Variants in H2AZ2 observed in about 807,000 individuals in gnomAD.
The protein encoded by H2AZ2 is histone H2A.V.
Under a neutral mutation model 15.5 loss-of-function variants are expected in H2AZ2, and 5 were observed. The ratio of observed to expected loss-of-function variants is 0.32; its 90% confidence interval spans 0.17 to 0.68. The LOEUF (loss-of-function observed/expected upper bound fraction) is 0.68, where lower values mean the gene tolerates loss of function less well. Ranked by LOEUF, H2AZ2 falls within the 30% of genes least tolerant of loss-of-function variation. The pLI is 0.72. For synonymous variants in H2AZ2, 44 were observed against 57.4 expected, an observed-to-expected ratio of 0.77 and a Z score of 1.05; for missense variants, 42 against 162.5, an observed-to-expected ratio of 0.26 and a Z score of 4.03.
At chr7:44,836,255 G>A (rs920052223) in intron 3 of H2AZ2, among the ~76,000 whole-genome samples, 2 of 152,002 alleles carry the variant, frequency 1.3e-5, no homozygotes, top group South Asian at 4.1e-4. Flanking sequence ...GAGCCACCAC[G>A]CCCAGTCAAA....
chr7:44,836,840 C>G (rs1181390771), intron 3 of H2AZ2, among the ~76,000 whole-genome samples: 2 of 149,962 alleles, frequency 1.3e-5, no homozygotes, highest in Non-Finnish European at 1.5e-5. Context: ...ACTAAAAATA[C>G]AAAAAATTAG....
chr7:44,830,044 G>A (rs1792979261), downstream of H2AZ2: 19 of 1,095,198 alleles, frequency 1.7e-5, no homozygotes, highest in East Asian at 2.4e-5. Context: ...CAGCACATTC[G>A]GGCAGTTCCT....
intron 1 of H2AZ2, among the ~76,000 whole-genome samples, chr7:44,844,787 C>G (rs548565118): frequency 7.9e-5 from 12 of 152,206 alleles, no homozygotes; most frequent in African/African-American, 2.9e-4. Context: ...CCTATTTCTG[C>G]ATGAAAAAGG....
intron 3 of H2AZ2, among the ~76,000 whole-genome samples, chr7:44,839,598 C>T (rs1217695459): frequency 6.6e-6 from 1 of 151,104 alleles, no homozygotes; most frequent in South Asian, 2.1e-4. Flanking sequence ...GGGAGAATGG[C>T]GTGAATCCGG....
At chr7:44,838,129 C>A (rs1461642287) in intron 3 of H2AZ2, among the ~76,000 whole-genome samples, 5 of 152,062 alleles carry the variant, frequency 3.3e-5, no homozygotes, top group Admixed American at 3.3e-4. Context: ...CACACGCCAC[C>A]ATGCCCAGCT....
At chr7:44,839,559 G>A (rs1487356461) in intron 3 of H2AZ2, among the ~76,000 whole-genome samples, 6 of 151,978 alleles carry the variant, frequency 3.9e-5, no homozygotes, top group Non-Finnish European at 7.4e-5. Flanking sequence ...GCGGGTGCCT[G>A]TAGTCCCAGC....
At chr7:44,839,823 T>C (rs1164496355) in intron 3 of H2AZ2, among the ~76,000 whole-genome samples, 1 of 150,608 alleles carries the variant, frequency 6.6e-6, no homozygotes, top group Non-Finnish European at 1.5e-5. Context: ...GCCAACATGG[T>C]GAAACCCAGT....
At chr7:44,835,107 CTT>C (rs1189211207) in intron 4 of H2AZ2, 1 of 178,336 alleles carries the variant, frequency 5.6e-6, no homozygotes, top group Non-Finnish European at 1.2e-5. Flanking sequence ...TCACGAGGTT[CTT>C]TGAGGGTTAT....
At position 44,848,067 on chromosome 7, in the gene H2AZ2, C is replaced by G; in HGVS notation, c.-96G>C. 2.7e-6 allele frequency: 2 copies of G among 733,190 alleles called. No individual in the cohort carries two copies. The highest frequency in any genetic ancestry group is 3.7e-6 in the Non-Finnish European group (2 of 537,138). The allele number at this position is 733,190 out of a possible 1,614,324, so 45.4% of individuals were successfully genotyped here. A position where few individuals can be genotyped will look rare whatever the true frequency, so the allele number is the denominator to read the frequency against. Reference sequence around the variant, plus strand: ...CTCTCGCAGCACCGACCGCCGCCGCCGGAGCCGGACAATACCCCGTGCCCG... The same window carrying G: ...CTCTCGCAGCACCGACCGCCGCCGCGGGAGCCGGACAATACCCCGTGCCCG... On this transcript the variant is annotated 5_prime_UTR_variant, in exon 1 of 5. Transcript: ENST00000308153.
At chr7:44,844,200 G>A (rs1274213167) in intron 1 of H2AZ2, among the ~76,000 whole-genome samples, 7 of 152,128 alleles carry the variant, frequency 4.6e-5, no homozygotes, top group African/African-American at 1.2e-4. Context: ...CCAAAAGGTA[G>A]AAACAATCTT....
At chr7:44,838,343 A>G (rs1793183254) in intron 3 of H2AZ2, among the ~76,000 whole-genome samples, 1 of 152,014 alleles carries the variant, frequency 6.6e-6, no homozygotes, top group Admixed American at 6.5e-5. Flanking sequence ...AAAATTTTTA[A>G]AAATAAAAGA....
At chr7:44,847,669 C>T (rs1793446007) in intron 1 of H2AZ2, among the ~76,000 whole-genome samples, 1 of 152,202 alleles carries the variant, frequency 6.6e-6, no homozygotes, top group South Asian at 2.1e-4. Flanking sequence ...ATTTCCAAGC[C>T]GGATTCTGCC....
downstream of H2AZ2, chr7:44,830,095 C>T: frequency 1.2e-6 from 2 of 1,601,720 alleles, no homozygotes; most frequent in Non-Finnish European, 1.7e-6. Flanking sequence ...TCTTGTTCCA[C>T]TAAATCAGCA....
intron 3 of H2AZ2, among the ~76,000 whole-genome samples, chr7:44,836,945 G>A (rs1264836742): frequency 2.6e-5 from 4 of 151,828 alleles, no homozygotes; most frequent in Non-Finnish European, 5.9e-5. Context: ...GCAGTGAGCC[G>A]AGATGGCGCC....
At chr7:44,839,576 G>A (rs1793221560) in intron 3 of H2AZ2, among the ~76,000 whole-genome samples, 1 of 151,938 alleles carries the variant, frequency 6.6e-6, no homozygotes, top group Admixed American at 6.6e-5. Flanking sequence ...CAGCTACTCG[G>A]GAGGCTGAGG....
chr7:44,840,313 A>G (rs933206549), intron 3 of H2AZ2, among the ~76,000 whole-genome samples: 3 of 152,170 alleles, frequency 2.0e-5, no homozygotes, highest in Non-Finnish European at 4.4e-5. Context: ...GAACTCCAGG[A>G]CTCAAGTGTA....
At chr7:44,844,126 T>C (rs961469770) in intron 1 of H2AZ2, among the ~76,000 whole-genome samples, 2 of 151,106 alleles carry the variant, frequency 1.3e-5, no homozygotes, top group African/African-American at 2.4e-5. Context: ...CACCTAAAAA[T>C]TGAAAGCAAG....
chr7:44,839,461 G>C (rs1054319220), intron 3 of H2AZ2, among the ~76,000 whole-genome samples: 2 of 151,936 alleles, frequency 1.3e-5, no homozygotes, highest in Non-Finnish European at 2.9e-5. Context: ...TGGCTCACGA[G>C]GTCAGGAGAT....
In H2AZ2 at chr7:44,834,228, T is replaced by C; in HGVS notation, c.*273A>G. 2.5e-6 allele frequency: 3 copies of C among 1,203,056 alleles called. No individual in the cohort carries two copies. The South Asian group carries it at 1.0e-4, about 40-fold the overall frequency. 74.5% of individuals were successfully genotyped at this position (1,203,056 alleles called of 1,614,324 possible). A position where few individuals can be genotyped will look rare whatever the true frequency, so the allele number is the denominator to read the frequency against. ...ATGAACAGAACAGTTTTGAGACAAA[T>C]TAATTTTGTAAAAAATGGTTTATCA... On this transcript the variant is annotated 3_prime_UTR_variant, in exon 5 of 5. Coordinates refer to ENST00000308153, the MANE Select transcript of H2AZ2 (RefSeq NM_012412.5).
Sources: allele counts gnomAD v4.1 joint callset (sites outside exome capture counted in the v4.1 genomes callset), GRCh38; gene constraint gnomAD v4.1.1; transcripts MANE v1.5; gene names NCBI Gene and HGNC (gene_info 2026-07-23, HGNC 2026-07-21).